The following ADAM20 variants were observed in gnomAD, a reference collection of about 807,000 sequenced individuals.
ADAM20 encodes disintegrin and metalloproteinase domain-containing protein 20.
For synonymous variants in ADAM20, 305 were observed against 310.2 expected, an observed-to-expected ratio of 0.98 and a Z score of 0.18; for missense variants, 871 against 883.2, an observed-to-expected ratio of 0.99 and a Z score of 0.18.
upstream of ADAM20, among the ~76,000 whole-genome samples, chr14:70,539,438 G>A (rs1016778801): frequency 3.3e-5 from 5 of 152,196 alleles, no homozygotes; most frequent in Non-Finnish European, 5.9e-5. Flanking sequence ...ATAAATGGAC[G>A]CATGAGGGGC....
intron 1 of ADAM20, among the ~76,000 whole-genome samples, chr14:70,529,931 A>G (rs1712014076): frequency 6.6e-6 from 1 of 152,124 alleles, no homozygotes; most frequent in African/African-American, 2.4e-5. Flanking sequence ...CAACTTCTTG[A>G]CTGTTTTGTA....
chr14:70,524,582 C>T lies in ADAM20; in HGVS notation c.176G>A (p.Gly59Glu), dbSNP rs563764959. 2.2e-5 allele frequency: 36 copies of T among 1,613,988 alleles called. No homozygotes were observed. In the South Asian group the frequency reaches 3.5e-4, roughly 16 times the overall value. Residue 59 changes from glycine to glutamate, a missense_variant, in exon 2 of 2, where the codon GGA (glycine) becomes GAA (glutamate). Gly to Glu is a moderately conservative substitution (Grantham distance 98). Transcript: ENST00000256389. ...ISRGRGAKAP[G>E]WLSYSLRFGG... ...AAACCGCAGGCTATAGGAGAGCCATCCAGGAGCCTTTGCACCTCTGCCCCT... is the reference window on the plus strand; with the variant it reads ...AAACCGCAGGCTATAGGAGAGCCATTCAGGAGCCTTTGCACCTCTGCCCCT...
At position 70,522,834 on chromosome 14, in the gene ADAM20, T is replaced by C; in HGVS notation, c.1924A>G (p.Met642Val). 2 of 1,614,084 alleles carry C rather than the reference T, an allele frequency of 1.2e-6. No homozygotes were observed. The highest frequency in any genetic ancestry group is 1.3e-5 in the African/African-American group (1 of 75,046). ...SQACQPKTCNMRGICNNKQHC... is the reference protein window; with the variant it reads ...SQACQPKTCNVRGICNNKQHC... ...TGTTTGTTGTTGCAGATTCCCCTCA[T>C]GTTGCAGGTCTTAGGCTGACAGGCT... Residue 642 changes from methionine to valine, a missense_variant, in exon 2 of 2, where the codon ATG becomes GTG. By Grantham distance (21) the Met-to-Val change is conservative. Transcript: ENST00000256389.
At chr14:70,558,714 G>T in the ADAM20 span, among the ~76,000 whole-genome samples, 1 of 152,108 alleles carries the variant, frequency 6.6e-6, no homozygotes, top group African/African-American at 2.4e-5. Flanking sequence ...AATAAAAGTG[G>T]GGAGGCAGAA....
the ADAM20 span, among the ~76,000 whole-genome samples, chr14:70,564,522 T>C: frequency 1.3e-5 from 2 of 152,010 alleles, no homozygotes; most frequent in African/African-American, 2.4e-5. Flanking sequence ...CAAGAAAACA[T>C]TGAAAAAAGG....
chr14:70,567,164 G>A, the ADAM20 span, among the ~76,000 whole-genome samples: 7 of 152,084 alleles, frequency 4.6e-5, no homozygotes, highest in Non-Finnish European at 1.5e-5. Flanking sequence ...GTACTCCCCT[G>A]ACCCAAACTG....
chr14:70,538,683 T>C (rs145705615), upstream of ADAM20, among the ~76,000 whole-genome samples: 202 of 152,324 alleles, frequency 1.3e-3, 2 homozygotes, highest in South Asian at 8.1e-3. Flanking sequence ...TCAGGAAAAA[T>C]CTGTTTTCCT....
At chr14:70,564,611 AAAT>A in the ADAM20 span, among the ~76,000 whole-genome samples, 823 of 152,304 alleles carry the variant, frequency 5.4e-3, 6 homozygotes, top group African/African-American at 0.019. Context: ...CAAATACTGA[AAAT>A]AATTCAGATT....
In ADAM20 at chr14:70,523,436, A is replaced by C. The variant is rs775924012; in HGVS notation, c.1322T>G (p.Leu441Arg). ...KDPCCLLNCT[L>R]HPGAACAFGI... ...AAAAGCACAAGCAGCCCCAGGATGTAGAGTACAGTTTAACAGACAACAGGG... is the reference window on the plus strand; with the variant it reads ...AAAAGCACAAGCAGCCCCAGGATGTCGAGTACAGTTTAACAGACAACAGGG... Residue 441 changes from leucine (L) to arginine (R), a missense_variant, in exon 2 of 2, where the codon CTA (leucine) becomes CGA (arginine). By Grantham distance (102) the Leu-to-Arg change is moderately radical. Transcript: ENST00000256389. The C allele has an allele frequency of 3.1e-6, 5 of 1,613,970 alleles. No homozygotes were observed. The highest frequency in any genetic ancestry group is 4.2e-6 in the Non-Finnish European group (5 of 1,179,978).
At chr14:70,575,125 T>C in the ADAM20 span, among the ~76,000 whole-genome samples, 135 of 151,500 alleles carry the variant, frequency 8.9e-4, no homozygotes, top group Non-Finnish European at 1.7e-3. Flanking sequence ...CTGCACAACA[T>C]AGTACCTACA....
chr14:70,565,169 T>A, the ADAM20 span, among the ~76,000 whole-genome samples: 1 of 151,466 alleles, frequency 6.6e-6, no homozygotes, highest in African/African-American at 2.4e-5. Context: ...AGCAAACTTT[T>A]ATCAAGCAGA....
intron 1 of ADAM20, among the ~76,000 whole-genome samples, chr14:70,528,493 T>C (rs915174273): frequency 2.0e-5 from 3 of 152,198 alleles, no homozygotes; most frequent in Non-Finnish European, 4.4e-5. Context: ...ACTGGATACA[T>C]AGGTTTCCCC....
the ADAM20 span, chr14:70,547,486 A>G: frequency 7.4e-6 from 1 of 135,798 alleles, no homozygotes; most frequent in Non-Finnish European, 1.6e-5. Flanking sequence ...GCATTGCCTC[A>G]CCTGGGAAGC....
the ADAM20 span, among the ~76,000 whole-genome samples, chr14:70,566,571 C>A: frequency 6.2e-4 from 95 of 152,188 alleles, 1 homozygote; most frequent in African/African-American, 2.1e-3. Context: ...CAATAGTAAG[C>A]CCTTACCCAT....
At chr14:70,546,445 G>C in the ADAM20 span, among the ~76,000 whole-genome samples, 1 of 152,164 alleles carries the variant, frequency 6.6e-6, no homozygotes, top group Non-Finnish European at 1.5e-5. Flanking sequence ...CATCCAGAAA[G>C]GTGGGGACAA....
At chr14:70,572,545 A>G in the ADAM20 span, among the ~76,000 whole-genome samples, 6 of 152,168 alleles carry the variant, frequency 3.9e-5, no homozygotes, top group South Asian at 1.2e-3. Flanking sequence ...CAAGCAAAGA[A>G]TTTATGACTA....
At chr14:70,575,519 A>G in the ADAM20 span, among the ~76,000 whole-genome samples, 1 of 152,198 alleles carries the variant, frequency 6.6e-6, no homozygotes, top group Admixed American at 6.5e-5. Flanking sequence ...CACACAAAAA[A>G]ATCTAGAGGC....
At chr14:70,531,941 T>C (rs1359177795) in intron 1 of ADAM20, among the ~76,000 whole-genome samples, 1 of 152,068 alleles carries the variant, frequency 6.6e-6, no homozygotes, top group Non-Finnish European at 1.5e-5. Context: ...AATCTACAGA[T>C]TCAATAGAAT....
chr14:70,526,244 T>C (rs1224223736), intron 1 of ADAM20, among the ~76,000 whole-genome samples: 1 of 152,196 alleles, frequency 6.6e-6, no homozygotes, highest in Non-Finnish European at 1.5e-5. Context: ...GACACGTTGT[T>C]AACACATACT....
Sources: allele counts gnomAD v4.1 joint callset (sites outside exome capture counted in the v4.1 genomes callset), GRCh38; gene constraint gnomAD v4.1.1; transcripts MANE v1.5; gene names NCBI Gene and HGNC (gene_info 2026-07-23, HGNC 2026-07-21).